PICALM: variants seen among roughly 807,000 people sequenced by gnomAD.
PICALM encodes the protein phosphatidylinositol-binding clathrin assembly protein.
A neutral mutation model predicts 80.5 loss-of-function variants in PICALM; 40 were observed. That is an observed-to-expected ratio of 0.50 (90% confidence interval 0.39 to 0.65). PICALM has a LOEUF of 0.65. Ranked by LOEUF, PICALM falls within the 30% of genes least tolerant of loss-of-function variation. The probability of loss-of-function intolerance (pLI) is 0.00; values close to 1 mark genes in which losing one functional copy is unlikely to be tolerated. For missense variants in PICALM, 676 were observed against 778.9 expected (o/e 0.87, Z 1.57); for synonymous variants, 288 against 260.3 (o/e 1.11, Z -1.02).
chr11:86,044,593 A>T (rs1275201257), intron 1 of PICALM, among the ~76,000 whole-genome samples: 1 of 152,028 alleles, frequency 6.6e-6, no homozygotes, highest in East Asian at 1.9e-4. Context: ...CGATTAAGTG[A>T]CGTAACTGTA....
intron 1 of PICALM, among the ~76,000 whole-genome samples, chr11:86,059,325 G>C (rs2096319396): frequency 6.6e-6 from 1 of 152,204 alleles, no homozygotes; most frequent in South Asian, 2.1e-4. Context: ...CTATTCTGTG[G>C]AGGAAATGTG....
At chr11:86,022,601 A>C in intron 3 of PICALM, 132 bp from the exon 4 acceptor site, 1 of 515,040 alleles carries the variant, frequency 1.9e-6, no homozygotes, top group Non-Finnish European at 3.4e-6. Context: ...ATCCCAATTC[A>C]ATTTAGTATG....
Position 85,976,629 on chromosome 11 carries a change from A to G in PICALM, c.1833T>C (p.Tyr611=). ...PATTPTGMIG[Y]GIPPQMGSVP... is the part of the protein sequence containing the mutation. Reference sequence around the variant, plus strand: ...TACCTAGGAAAATACTTACAATTCCATATCCTATCATGCCTGTTGGTGTAG... The same window carrying G: ...TACCTAGGAAAATACTTACAATTCCGTATCCTATCATGCCTGTTGGTGTAG... The change falls in exon 18 of 20, where the codon TAT becomes TAC. Residue 611 remains tyrosine (Y), a synonymous_variant. Transcript: ENST00000393346. 1 of 1,588,626 alleles carries G rather than the reference A, an allele frequency of 6.3e-7. No individual in the cohort carries two copies. Among genetic ancestry groups the G allele is most frequent in the Non-Finnish European group, 8.6e-7 (1 of 1,156,948 alleles).
intron 1 of PICALM, among the ~76,000 whole-genome samples, chr11:86,049,277 T>C (rs1337161071): frequency 6.6e-6 from 1 of 151,854 alleles, no homozygotes; most frequent in African/African-American, 2.4e-5. Context: ...AGCAAGACTG[T>C]CTCAAAAAAA....
chr11:85,959,165 A>G (rs2135226871), intron 19 of PICALM, 105 bp from the exon 20 acceptor site: 1 of 643,590 alleles, frequency 1.6e-6, no homozygotes, highest in East Asian at 2.7e-5. Context: ...AGAAGTGTTC[A>G]CAACATGCTT....
intron 3 of PICALM, among the ~76,000 whole-genome samples, chr11:86,025,261 G>A (rs1012475288): frequency 3.3e-5 from 5 of 152,078 alleles, no homozygotes; most frequent in African/African-American, 9.7e-5. Context: ...GTAGCTGGGC[G>A]TGGTGACATG....
intron 1 of PICALM, among the ~76,000 whole-genome samples, chr11:86,042,098 A>G (rs1279510579): frequency 6.6e-6 from 1 of 152,192 alleles, no homozygotes; most frequent in Non-Finnish European, 1.5e-5. Flanking sequence ...GTACAGAGGA[A>G]CAACAGGACC....
At chr11:86,062,131 A>C (rs2137721543) in intron 1 of PICALM, among the ~76,000 whole-genome samples, 1 of 152,336 alleles carries the variant, frequency 6.6e-6, no homozygotes, top group Admixed American at 6.5e-5. Context: ...GAGGGGGAGC[A>C]CAGAGTATTT....
chr11:86,005,291 C>A (rs544058196), intron 8 of PICALM, among the ~76,000 whole-genome samples: 1 of 152,266 alleles, frequency 6.6e-6, no homozygotes, highest in South Asian at 2.1e-4. Flanking sequence ...AGGGTTTAAG[C>A]TGTGGCTTAC....
chr11:85,989,518 G>A (rs2094694662), intron 13 of PICALM, among the ~76,000 whole-genome samples: 1 of 152,114 alleles, frequency 6.6e-6, no homozygotes, highest in South Asian at 2.1e-4. Flanking sequence ...TTGGGGCTGA[G>A]GGGGAGCAGA....
intron 6 of PICALM, among the ~76,000 whole-genome samples, chr11:86,011,663 T>C (rs978671854): frequency 8.5e-5 from 13 of 152,162 alleles, no homozygotes; most frequent in Non-Finnish European, 1.3e-4. Context: ...CCTATCCCTA[T>C]AGATTAAAGC....
chr11:86,031,995 TTTTC>T (rs1051812673), intron 1 of PICALM, among the ~76,000 whole-genome samples: 4 of 152,182 alleles, frequency 2.6e-5, no homozygotes, highest in African/African-American at 9.7e-5. Context: ...ACTTTAACAT[TTTTC>T]TTTAAATAAA....
intron 18 of PICALM, 148 bp downstream of exon 18, chr11:85,976,475 T>A: frequency 1.8e-6 from 1 of 556,484 alleles, no homozygotes; most frequent in Non-Finnish European, 3.3e-6. Flanking sequence ...GACATACTTA[T>A]GAAACCAATG....
At chr11:86,013,641 G>T (rs1384193813) in intron 5 of PICALM, among the ~76,000 whole-genome samples, 1 of 152,108 alleles carries the variant, frequency 6.6e-6, no homozygotes, top group Non-Finnish European at 1.5e-5. Context: ...TACAGACATT[G>T]AAAAGAATAA....
chr11:85,961,173 G>A (rs12575144), intron 19 of PICALM, among the ~76,000 whole-genome samples: 2 of 152,182 alleles, frequency 1.3e-5, no homozygotes, highest in Non-Finnish European at 2.9e-5. Context: ...CAGGCTATCT[G>A]TCCAAAGCTG....
chr11:86,043,836 T>A (rs553406358), intron 1 of PICALM, among the ~76,000 whole-genome samples: 4 of 152,316 alleles, frequency 2.6e-5, no homozygotes, highest in African/African-American at 9.6e-5. Flanking sequence ...TCTCTTCTCT[T>A]AAAAATTTTT....
chr11:86,066,800 T>C (rs1175236041), intron 1 of PICALM, among the ~76,000 whole-genome samples: 3 of 149,210 alleles, frequency 2.0e-5, no homozygotes, highest in Non-Finnish European at 3.0e-5. Flanking sequence ...ATTAACACAG[T>C]GTCAGGACAA....
intron 1 of PICALM, among the ~76,000 whole-genome samples, chr11:86,049,292 C>G (rs546165660): frequency 3.3e-5 from 5 of 150,836 alleles, no homozygotes; most frequent in Non-Finnish European, 7.4e-5. Flanking sequence ...AAAAAACAAA[C>G]AAAAAAAAAC....
chr11:85,995,900 T>C (rs1417483039), intron 12 of PICALM, among the ~76,000 whole-genome samples: 1 of 152,174 alleles, frequency 6.6e-6, no homozygotes, highest in Non-Finnish European at 1.5e-5. Context: ...TCTCAGATCT[T>C]AAAACTTAGC....
Sources: allele counts gnomAD v4.1 joint callset (sites outside exome capture counted in the v4.1 genomes callset), GRCh38; gene constraint gnomAD v4.1.1; transcripts MANE v1.5; gene names NCBI Gene and HGNC (gene_info 2026-07-23, HGNC 2026-07-21).